DHX29: variants seen among roughly 807,000 people sequenced by gnomAD.
The protein encoded by DHX29 is ATP-dependent RNA helicase DHX29.
In DHX29, 79 loss-of-function variants were observed where a neutral mutation model predicts 167.9. The ratio of observed to expected loss-of-function variants is 0.47; its 90% CI spans 0.39 to 0.57. The LOEUF (loss-of-function observed/expected upper bound fraction) is 0.57, where lower values mean the gene tolerates loss of function less well. Among genes scored for constraint, DHX29 ranks in the 20% least tolerant of loss-of-function variants. The pLI is 0.00. For synonymous variants in DHX29, 530 were observed against 546.0 expected (o/e 0.97, Z 0.41); for missense variants, 1,347 against 1,593.4 (o/e 0.85, Z 2.63).
chr5:55,273,890 C>T (rs569393883), intron 16 of DHX29, among the ~76,000 whole-genome samples: 7 of 152,062 alleles, frequency 4.6e-5, no homozygotes, highest in Admixed American at 3.9e-4. Context: ...AGTTTGAGAC[C>T]GGCCTGGTCA....
chr5:55,270,805 TA>T, intron 18 of DHX29, 99 bp from the exon 19 acceptor site: 1 of 858,204 alleles, frequency 1.2e-6, no homozygotes, highest in Non-Finnish European at 1.9e-6. Flanking sequence ...AACACAGGCT[TA>T]AAAAATCCAT....
chr5:55,270,222 T>C (rs775780126), intron 20 of DHX29, among the ~76,000 whole-genome samples, 190 bp downstream of exon 20: 1 of 152,182 alleles, frequency 6.6e-6, no homozygotes, highest in Non-Finnish European at 1.5e-5. Context: ...TTTTAATCTA[T>C]AAAGTGTAAG....
intron 23 of DHX29, 80 bp from the exon 24 acceptor site, chr5:55,263,012 G>T: frequency 9.4e-7 from 1 of 1,063,016 alleles, no homozygotes; most frequent in South Asian, 1.6e-5. Context: ...TTATATTACT[G>T]CTTCCTATAA....
At chr5:55,301,713 C>CAAAAAAAAAAAAAAAAAA (rs70992777) in intron 1 of DHX29, among the ~76,000 whole-genome samples, 1 of 64,742 alleles carries the variant, frequency 1.5e-5, no homozygotes, top group Non-Finnish European at 3.0e-5. Flanking sequence ...AACTCCATCT[C>CAAAAAAAAAAAAAAAAAA]AAAAAAAAAA....
At chr5:55,284,926 C>T (rs1233029343) in intron 10 of DHX29, among the ~76,000 whole-genome samples, 2 of 152,120 alleles carry the variant, frequency 1.3e-5, no homozygotes, top group African/African-American at 2.4e-5. Context: ...CCCAGCTATT[C>T]GGGAGGCTGA....
chr5:55,282,357 C>T (rs948020599), intron 11 of DHX29, among the ~76,000 whole-genome samples: 3 of 152,112 alleles, frequency 2.0e-5, no homozygotes, highest in African/African-American at 7.2e-5. Flanking sequence ...GTAACATTCC[C>T]CATCACATTT....
chr5:55,304,861 G>A (rs1176266139), intron 1 of DHX29, among the ~76,000 whole-genome samples: 3 of 152,056 alleles, frequency 2.0e-5, no homozygotes, highest in Non-Finnish European at 4.4e-5. Flanking sequence ...ATCTACATTA[G>A]GAACTACACA....
rs1747393031 is a variant in DHX29 at position 55,281,192 on chromosome 5, ATAT to A, written c.2109+177_2109+179del. Among the ~76,000 whole-genome samples, 3 of 152,114 alleles carry A rather than the reference ATAT, an allele frequency of 2.0e-5. No individual in the cohort carries two copies. In the South Asian group the frequency reaches 6.2e-4, roughly 31 times the overall value. ...CCTTGAATAGAAAAGCATATAGCAA[ATAT>A]TATATAGTATTTATGAAACCAACTA... On this transcript the variant is annotated intron_variant, in intron 12 of 26. Transcript: ENST00000251636.
At chr5:55,302,247 G>C (rs1345119431) in intron 1 of DHX29, among the ~76,000 whole-genome samples, 1 of 152,046 alleles carries the variant, frequency 6.6e-6, no homozygotes, top group Admixed American at 6.6e-5. Context: ...GTAAGCTTGT[G>C]CACAAATTTA....
At chr5:55,282,321 C>A (rs1747472032) in intron 11 of DHX29, among the ~76,000 whole-genome samples, 1 of 152,190 alleles carries the variant, frequency 6.6e-6, no homozygotes, top group African/African-American at 2.4e-5. Context: ...TAGTATCATA[C>A]TAGGAGTGCC....
At position 55,283,324 on chromosome 5, in the gene DHX29, A is replaced by C; in HGVS notation, c.1844T>G (p.Leu615Arg). Residue 615 changes from leucine (L) to arginine (R), a missense_variant, in exon 11 of 27, where the codon CTA becomes CGA. Physicochemically the swap from Leu to Arg is moderately radical, Grantham distance 102 (BLOSUM62 -2). Coordinates refer to ENST00000251636, the MANE Select transcript of DHX29 (RefSeq NM_019030.4). ...ACATTTACTTGCTTCCCACTCATTT[A>C]GAAGCAAATCTTCCAATAGAAAATG... Reference protein sequence around the residue: ...VPHFLLEDLLLNEWEASKCNI... With the variant: ...VPHFLLEDLLRNEWEASKCNI... 2 of 1,614,170 alleles carry C rather than the reference A, an allele frequency of 1.2e-6. No individual in the cohort carries two copies. Among genetic ancestry groups the C allele is most frequent in the Non-Finnish European group, 1.7e-6 (2 of 1,180,000 alleles).
chr5:55,289,156 C>T, intron 8 of DHX29, 114 bp downstream of exon 8: 8 of 1,172,454 alleles, frequency 6.8e-6, no homozygotes, highest in Non-Finnish European at 9.0e-6. Flanking sequence ...AGTGTAACTT[C>T]ACTGCCATCT....
chr5:55,270,850 A>G, intron 18 of DHX29, 144 bp from the exon 19 acceptor site: 1 of 619,520 alleles, frequency 1.6e-6, no homozygotes, highest in South Asian at 2.2e-5. Flanking sequence ...ATTATGCTTC[A>G]TATTTAAATA....
At chr5:55,265,167 G>A (rs1189025360) in intron 23 of DHX29, among the ~76,000 whole-genome samples, 2 of 149,764 alleles carry the variant, frequency 1.3e-5, no homozygotes, top group African/African-American at 4.9e-5. Flanking sequence ...AAGAAATACA[G>A]GACATAGAAG....
intron 2 of DHX29, among the ~76,000 whole-genome samples, chr5:55,297,990 CT>C (rs574604508): frequency 7.9e-4 from 120 of 152,132 alleles, no homozygotes; most frequent in African/African-American, 2.8e-3. Context: ...TAAATGCCTA[CT>C]ATAAACTAAG....
rs570267160 is a variant in DHX29, at chr5:55,277,996, A to T, written c.2110-714T>A. Among the ~76,000 whole-genome samples the T allele has an allele frequency of 5.3e-5, 8 of 152,254 alleles. No individual in the cohort carries two copies. In the South Asian group the frequency reaches 1.7e-3, roughly 32 times the overall value. ...TCCTAAATCTCTGCCACTAATATAA[A>T]ACTATACTGTCACCATTACAAGACA... On this transcript the variant is annotated intron_variant, in intron 12 of 26. Transcript: ENST00000251636.
At chr5:55,261,562 T>G in intron 24 of DHX29, 63 bp from the exon 25 acceptor site, 1 of 1,006,500 alleles carries the variant, frequency 9.9e-7, no homozygotes, top group Non-Finnish European at 1.5e-6. Context: ...GTCATTTATC[T>G]TTTTCAAGTA....
At chr5:55,303,851 T>C (rs1012809689) in intron 1 of DHX29, among the ~76,000 whole-genome samples, 1 of 152,214 alleles carries the variant, frequency 6.6e-6, no homozygotes, top group African/African-American at 2.4e-5. Context: ...CACTATTTTC[T>C]GTTCCTCATA....
intron 25 of DHX29, among the ~76,000 whole-genome samples, chr5:55,260,895 T>C (rs958762835): frequency 6.6e-6 from 1 of 152,238 alleles, no homozygotes; most frequent in Non-Finnish European, 1.5e-5. Context: ...ATCTGTTTGG[T>C]CTTTTTTATT....
Sources: allele counts gnomAD v4.1 joint callset (sites outside exome capture counted in the v4.1 genomes callset), GRCh38; gene constraint gnomAD v4.1.1; transcripts MANE v1.5; gene names NCBI Gene and HGNC (gene_info 2026-07-23, HGNC 2026-07-21).